Variants in RERE observed in about 807,000 individuals in gnomAD.
The protein encoded by RERE is arginine-glutamic acid dipeptide repeats.
RERE carries 40 observed loss-of-function variants against 146.1 expected under a neutral mutation model. The ratio of observed to expected loss-of-function variants is 0.27; its 90% CI spans 0.21 to 0.36. The LOEUF is 0.36. Ranked by LOEUF, RERE falls within the 10% of genes least tolerant of loss-of-function variation. The pLI, the probability that RERE is intolerant of heterozygous loss-of-function variation, is 1.00. For synonymous variants in RERE, 1,003 were observed against 866.0 expected, an observed-to-expected ratio of 1.16 and a Z score of -2.78; for missense variants, 1,933 against 2,138.7, an observed-to-expected ratio of 0.90 and a Z score of 1.90.
chr1:8,389,449 T>C (rs923042056), intron 12 of RERE, among the ~76,000 whole-genome samples: 4 of 152,216 alleles, frequency 2.6e-5, no homozygotes, highest in Admixed American at 2.0e-4. Flanking sequence ...TACTTCTAGA[T>C]TTCTGCTGCT....
chr1:8,416,139 T>C (rs1031817259), intron 12 of RERE, among the ~76,000 whole-genome samples: 1 of 152,178 alleles, frequency 6.6e-6, no homozygotes, highest in Non-Finnish European at 1.5e-5. Flanking sequence ...AAAAGGCTTA[T>C]TAAAAACTGA....
chr1:8,374,975 C>T (rs1487344630), intron 12 of RERE, among the ~76,000 whole-genome samples: 1 of 152,192 alleles, frequency 6.6e-6, no homozygotes, highest in African/African-American at 2.4e-5. Flanking sequence ...CTTCCCTTCA[C>T]TTCACTCCCC....
intron 1 of RERE, among the ~76,000 whole-genome samples, chr1:8,773,443 C>T (rs982086253): frequency 6.6e-6 from 1 of 152,178 alleles, no homozygotes; most frequent in African/African-American, 2.4e-5. Context: ...CCTGAAATCC[C>T]AGTGCTTTGG....
At chr1:8,398,466 C>T (rs143547497) in intron 12 of RERE, among the ~76,000 whole-genome samples, 8 of 152,306 alleles carry the variant, frequency 5.3e-5, no homozygotes, top group East Asian at 1.9e-4. Context: ...GTGTCTTGAC[C>T]GCCCCAGTGT....
chr1:8,658,379 T>C (rs1348477990), intron 1 of RERE, among the ~76,000 whole-genome samples: 3 of 152,180 alleles, frequency 2.0e-5, no homozygotes, highest in East Asian at 3.8e-4. Context: ...AAACAGTGCA[T>C]ATAAACAAAC....
intron 4 of RERE, among the ~76,000 whole-genome samples, chr1:8,574,192 A>T (rs79303159): frequency 0.026 from 3,989 of 152,212 alleles, 158 homozygotes; most frequent in African/African-American, 0.09. Flanking sequence ...GACTATTTAG[A>T]AGAATCTGGG....
At chr1:8,384,275 C>A (rs766928252) in intron 12 of RERE, among the ~76,000 whole-genome samples, 3 of 152,164 alleles carry the variant, frequency 2.0e-5, no homozygotes, top group Admixed American at 1.3e-4. Context: ...CTGAGTCATG[C>A]GCATCCTGTT....
intron 7 of RERE, among the ~76,000 whole-genome samples, chr1:8,530,872 T>C (rs1452512844): frequency 2.0e-5 from 3 of 151,142 alleles, no homozygotes; most frequent in Non-Finnish European, 4.4e-5. Context: ...TTTGTATTTT[T>C]AGTAGAGACG....
chr1:8,728,092 T>C (rs1485401426), intron 1 of RERE, among the ~76,000 whole-genome samples: 2 of 152,238 alleles, frequency 1.3e-5, no homozygotes, highest in Non-Finnish European at 2.9e-5. Context: ...TGGCAGTTCC[T>C]GCCTTTTCTC....
At chr1:8,600,833 C>T (rs1290883223) in intron 4 of RERE, among the ~76,000 whole-genome samples, 1 of 148,972 alleles carries the variant, frequency 6.7e-6, no homozygotes, top group Non-Finnish European at 1.5e-5. Context: ...CGGCTCACTG[C>T]AAGCTCCGCC....
intron 12 of RERE, among the ~76,000 whole-genome samples, chr1:8,398,787 T>C (rs1405699884): frequency 1.3e-5 from 2 of 152,196 alleles, no homozygotes; most frequent in South Asian, 2.1e-4. Context: ...GGCCTTGCTA[T>C]ACATCGAAAA....
intron 1 of RERE, among the ~76,000 whole-genome samples, chr1:8,754,273 T>C (rs1202727885): frequency 6.6e-6 from 1 of 151,862 alleles, no homozygotes; most frequent in Non-Finnish European, 1.5e-5. Flanking sequence ...TATTTTACAA[T>C]GGAGTTGCAG....
intron 3 of RERE, among the ~76,000 whole-genome samples, chr1:8,616,805 G>A (rs899270717): frequency 3.9e-5 from 6 of 152,206 alleles, no homozygotes; most frequent in Admixed American, 2.6e-4. Flanking sequence ...AGCCACGAGT[G>A]AAGACAAATT....
intron 1 of RERE, among the ~76,000 whole-genome samples, chr1:8,814,145 G>T (rs191909914): frequency 6.6e-6 from 1 of 152,230 alleles, no homozygotes; most frequent in East Asian, 1.9e-4. Context: ...CATTGTAAAA[G>T]ATACACAACT....
At chr1:8,584,598 C>T (rs1380031445) in intron 4 of RERE, among the ~76,000 whole-genome samples, 2 of 152,030 alleles carry the variant, frequency 1.3e-5, no homozygotes, top group East Asian at 3.9e-4. Context: ...AAAATGACTA[C>T]AGAGACAGCT....
rs527661673 is a variant in RERE, at chr1:8,532,874, C to A, written c.830+8340G>T. 2.0e-5 allele frequency among the ~76,000 whole-genome samples: 3 copies of A among 152,152 alleles called. No individual in the cohort carries two copies. The South Asian group carries it at 6.2e-4, about 32-fold the overall frequency. ...CCTCCCAAAGTGGTGGGATTACAGG[C>A]ATAAGCCACTGCCCCTGGCCCTTTT... On this transcript the variant is annotated intron_variant, in intron 7 of 22. Coordinates refer to ENST00000400908, the MANE Select transcript of RERE (RefSeq NM_001042681.2).
At chr1:8,479,171 G>A (rs1013443085) in intron 10 of RERE, among the ~76,000 whole-genome samples, 2 of 151,894 alleles carry the variant, frequency 1.3e-5, no homozygotes, top group African/African-American at 2.4e-5. Context: ...GACTTCTTGA[G>A]GCCAAGAGTT....
chr1:8,765,950 C>CAA (rs879901504), intron 1 of RERE, among the ~76,000 whole-genome samples: 1 of 137,944 alleles, frequency 7.2e-6, no homozygotes, highest in Non-Finnish European at 1.6e-5. Flanking sequence ...GACTCCGTCT[C>CAA]AAAAAAAAAA....
intron 1 of RERE, among the ~76,000 whole-genome samples, chr1:8,811,050 G>C (rs903679037): frequency 1.3e-5 from 2 of 152,180 alleles, no homozygotes; most frequent in African/African-American, 2.4e-5. Flanking sequence ...TAAGGTGTTA[G>C]AATAAGCTAT....
Sources: allele counts gnomAD v4.1 joint callset (sites outside exome capture counted in the v4.1 genomes callset), GRCh38; gene constraint gnomAD v4.1.1; transcripts MANE v1.5; gene names NCBI Gene and HGNC (gene_info 2026-07-23, HGNC 2026-07-21).